Variants in SI observed in about 807,000 individuals in gnomAD.
The protein encoded by SI is sucrase-isomaltase, also known as sucrase-isomaltase, intestinal.
A neutral mutation model predicts 253.3 loss-of-function variants in SI; 235 were observed. The ratio of observed to expected loss-of-function variants is 0.93; its 90% CI spans 0.83 to 1.03. The LOEUF is 1.03. Ranked by LOEUF, SI falls within the 50% of genes least tolerant of loss-of-function variation. SI has a pLI of 0.00. For missense variants in SI, 2,442 were observed against 2,211.1 expected (o/e 1.10, Z -2.09); for synonymous variants, 819 against 712.0 (o/e 1.15, Z -2.39).
In SI at chr3:165,018,078, A is replaced by G. The variant is rs77749967; in HGVS notation, c.3424-12T>C. 7.0e-4 allele frequency: 983 copies of G among 1,413,800 alleles called. 14 individuals are homozygous for G. The East Asian group carries it at 0.02, about 29-fold the overall frequency. 87.6% of individuals were successfully genotyped at this position (1,413,800 alleles called of 1,614,324 possible). ...GAATTAAGTTTGTACTGAAATACGA[A>G]AAATAAGCACAATATATTTTAAGTA... On this transcript the variant is annotated splice_polypyrimidine_tract_variant and intron_variant, in intron 28 of 47. Coordinates refer to ENST00000264382, the MANE Select transcript of SI (RefSeq NM_001041.4).
At chr3:165,006,778 TAA>T in intron 37 of SI, 36 bp downstream of exon 37, 1 of 1,575,418 alleles carries the variant, frequency 6.3e-7, no homozygotes, top group Admixed American at 1.7e-5. Flanking sequence ...AACCAAAGAA[TAA>T]AAGAGTCAGA....
chr3:165,034,268 A>G (rs561341125), intron 22 of SI, among the ~76,000 whole-genome samples: 1 of 152,076 alleles, frequency 6.6e-6, no homozygotes, highest in Non-Finnish European at 1.5e-5. Context: ...TAGGTATCAT[A>G]TTAGATAACT....
intron 3 of SI, 40 bp from the exon 4 acceptor site, chr3:165,069,235 A>G (rs1576922038): frequency 3.2e-6 from 4 of 1,240,686 alleles, no homozygotes; most frequent in African/African-American, 1.5e-5. Flanking sequence ...AATTACTACT[A>G]TTATCAGATG....
chr3:165,068,463 T>G lies in SI; in HGVS notation c.483+259A>C, dbSNP rs559069969. Among the ~76,000 whole-genome samples the G allele has an allele frequency of 2.9e-3, 441 of 152,266 alleles. 2 individuals carry two copies. The highest frequency in any genetic ancestry group is 5.1e-3 in the Non-Finnish European group (347 of 68,016). ...CAAATGTCTCACTGAAAGCCCCAAC[T>G]CCCGGGTTCTCGCCATTCTCCTGCC... On this transcript the variant is annotated intron_variant, in intron 5 of 47. Transcript: ENST00000264382.
intron 34 of SI, 145 bp downstream of exon 34, chr3:165,012,835 T>G (rs529237397): frequency 9.0e-6 from 6 of 670,206 alleles, no homozygotes; most frequent in Non-Finnish European, 1.6e-5. Flanking sequence ...TTAGGTAAAT[T>G]TTATCTAAAT....
At chr3:165,015,023 A>C in intron 33 of SI, 100 bp downstream of exon 33, 3 of 817,918 alleles carry the variant, frequency 3.7e-6, no homozygotes, top group Non-Finnish European at 6.2e-6. Flanking sequence ...ACATTTCTGT[A>C]TAGCTCTCCT....
intron 16 of SI, among the ~76,000 whole-genome samples, chr3:165,045,449 A>G (rs1012025695): frequency 6.6e-6 from 1 of 152,038 alleles, no homozygotes; most frequent in African/African-American, 2.4e-5. Context: ...ATACATTTGA[A>G]TATTGCTTGT....
chr3:164,988,641 A>G (rs1004425471), intron 44 of SI, among the ~76,000 whole-genome samples: 1 of 152,176 alleles, frequency 6.6e-6, no homozygotes, highest in African/African-American at 2.4e-5. Flanking sequence ...GTTCATGCCA[A>G]CAGGGGCTGT....
intron 41 of SI, among the ~76,000 whole-genome samples, chr3:164,993,398 G>C (rs1288703570): frequency 6.6e-6 from 1 of 151,686 alleles, no homozygotes; most frequent in Non-Finnish European, 1.5e-5. Context: ...AGGAAAACTG[G>C]ATCGCTTATC....
At chr3:165,082,296 G>A (rs756364689), upstream of SI, among the ~76,000 whole-genome samples, 19 of 151,828 alleles carry the variant, frequency 1.3e-4, no homozygotes, top group East Asian at 3.9e-4. Context: ...TGTCTCATAC[G>A]TAATTCTATT....
In SI at chr3:165,065,432, C is replaced by T. The variant is rs145891116; in HGVS notation, c.636G>A (p.Leu212=). 6.5e-4 allele frequency: 883 copies of T among 1,363,332 alleles called. 2 individuals carry two copies. Among genetic ancestry groups the T allele is most frequent in the Non-Finnish European group, 8.0e-4 (803 of 1,007,758 alleles). 84.5% of individuals were successfully genotyped at this position (1,363,332 alleles called of 1,614,324 possible). ...QVIRKSNGKT[L]FDTSIGPLVY... ...CTAAGGGACCAATGCTGGTGTCAAACCTGCACCATAAAAGAAATAAAGAAA... is the reference window on the plus strand; with the variant it reads ...CTAAGGGACCAATGCTGGTGTCAAATCTGCACCATAAAAGAAATAAAGAAA... The change falls in exon 7 of 48, where the codon TTG becomes TTA. Residue 212 remains leucine, a splice_region_variant and synonymous_variant. Transcript: ENST00000264382.
chr3:165,026,884 T>C (rs1711951218), intron 25 of SI, among the ~76,000 whole-genome samples: 1 of 150,948 alleles, frequency 6.6e-6, no homozygotes, highest in Non-Finnish European at 1.5e-5. Context: ...AGAGCACACA[T>C]AGACAATCTA....
Position 165,021,317 on chromosome 3 carries a change from T to G in SI, c.3166A>C (p.Ser1056Arg). 6.2e-7 allele frequency: 1 copy of G among 1,611,232 alleles called. No homozygotes were observed. Among genetic ancestry groups the G allele is most frequent in the Non-Finnish European group, 8.5e-7 (1 of 1,177,902 alleles). ...TCATAAAGTCTGTCTTCATAAGTAC[T>G]TATTGGGGTGGTTGGAATGTTTAAC... is the stretch of plus-strand genomic sequence containing the variant. ...VPLNIPTTPI[S>R]TYEDRLYDVE... is the part of the protein sequence containing the mutation. Residue 1056 changes from serine to arginine, a missense_variant, in exon 27 of 48, where the codon AGT becomes CGT. Physicochemically the swap from Ser to Arg is moderately radical, Grantham distance 110 (BLOSUM62 -1). Transcript: ENST00000264382.
intron 37 of SI, among the ~76,000 whole-genome samples, chr3:165,003,262 A>G (rs1177281658): frequency 6.6e-6 from 1 of 151,896 alleles, no homozygotes; most frequent in African/African-American, 2.4e-5. Flanking sequence ...TTGTTAAGCT[A>G]CATACTTTCA....
At chr3:165,034,147 T>C (rs1227315648) in intron 22 of SI, among the ~76,000 whole-genome samples, 4 of 151,872 alleles carry the variant, frequency 2.6e-5, no homozygotes, top group Non-Finnish European at 5.9e-5. Flanking sequence ...TAGGAAATAA[T>C]ATTATATTCA....
At chr3:165,004,195 G>A (rs1718392258) in intron 37 of SI, among the ~76,000 whole-genome samples, 2 of 152,088 alleles carry the variant, frequency 1.3e-5, no homozygotes, top group African/African-American at 4.8e-5. Flanking sequence ...GGCATATGAA[G>A]AGGTGCTCAA....
chr3:165,025,327 C>G (rs1016945091), intron 25 of SI, among the ~76,000 whole-genome samples: 1 of 151,074 alleles, frequency 6.6e-6, no homozygotes, highest in African/African-American at 2.4e-5. Flanking sequence ...AATATGAACA[C>G]AGCCTGCAAG....
chr3:165,073,779 G>A (rs1429178068), intron 3 of SI, among the ~76,000 whole-genome samples: 1 of 152,056 alleles, frequency 6.6e-6, no homozygotes, highest in African/African-American at 2.4e-5. Context: ...ACAATTATTT[G>A]TATAGCATTT....
Position 165,019,715 on chromosome 3 carries a change from T to C in SI, c.3310A>G (p.Thr1104Ala). 2 of 1,612,522 alleles carry C rather than the reference T, an allele frequency of 1.2e-6. No individual in the cohort carries two copies. Among genetic ancestry groups the C allele is most frequent in the Non-Finnish European group, 1.7e-6 (2 of 1,179,076 alleles). The part of the protein sequence containing the change: ...AFNDQFIQIS[T>A]RLPSEYIYGF... ...TATATATATTCTGATGGCAGGCGAGTCGATATTTGAATGAACTGGTCATTA... is the reference window on the plus strand; with the variant it reads ...TATATATATTCTGATGGCAGGCGAGCCGATATTTGAATGAACTGGTCATTA... Residue 1104 changes from threonine (T) to alanine (A), a missense_variant, in exon 28 of 48, where the codon ACT (threonine) becomes GCT (alanine). Thr to Ala is a moderately conservative substitution (Grantham distance 58). Transcript: ENST00000264382.
Sources: allele counts gnomAD v4.1 joint callset (sites outside exome capture counted in the v4.1 genomes callset), GRCh38; gene constraint gnomAD v4.1.1; transcripts MANE v1.5; gene names NCBI Gene and HGNC (gene_info 2026-07-23, HGNC 2026-07-21).